The following KCNQ1 variants were observed in gnomAD, a reference collection of about 807,000 sequenced individuals.
KCNQ1 encodes the protein potassium voltage-gated channel subfamily Q member 1.
Under a neutral mutation model 72.4 loss-of-function variants are expected in KCNQ1, and 49 were observed. The ratio of observed to expected loss-of-function variants is 0.68; its 90% CI spans 0.54 to 0.86. KCNQ1 has a LOEUF of 0.86. KCNQ1 is among the 40% of genes least tolerant of loss of function. The probability of loss-of-function intolerance (pLI) is 0.00; values close to 1 mark genes in which losing one functional copy is unlikely to be tolerated. For missense variants in KCNQ1, 790 were observed against 945.1 expected, an observed-to-expected ratio of 0.84 and a Z score of 2.15; for synonymous variants, 450 against 412.6, an observed-to-expected ratio of 1.09 and a Z score of -1.10.
In KCNQ1 at chr11:2,677,399, C is replaced by A. The variant is rs1850312978; in HGVS notation, c.1514+15318C>A. 2.5e-6 allele frequency: 1 copy of A among 398,518 alleles called. No homozygotes were observed. 24.7% of individuals were successfully genotyped at this position (398,518 alleles called of 1,614,324 possible). ...TTGAAGAGGAAACCAAGATCGATGC[C>A]TAGATAAGCATTTCAGAGGACAGCA... On this transcript the variant is annotated intron_variant, in intron 11 of 15. Coordinates refer to ENST00000155840, the MANE Select transcript of KCNQ1 (RefSeq NM_000218.3). This position sits in a 1 kb window ranked among gnomAD's most constrained non-coding sequence, Gnocchi z 4.5.
rs1383035176 is a variant in KCNQ1 at position 2,620,211 on chromosome 11, A to ATATATATATATT, written c.1393+31358_1393+31359insATATATATATTT. 2.0e-4 allele frequency: 53 copies of ATATATATATATT among 261,998 alleles called. No individual in the cohort carries two copies. Among genetic ancestry groups the ATATATATATATT allele is most frequent in the African/African-American group, 1.4e-3 (52 of 38,118 alleles). 16.2% of individuals were successfully genotyped at this position (261,998 alleles called of 1,614,324 possible). On this transcript the variant is annotated intron_variant, in intron 10 of 15. Coordinates refer to ENST00000155840, the MANE Select transcript of KCNQ1 (RefSeq NM_000218.3). The surrounding 1 kb of genome is among the most constrained non-coding windows in gnomAD (Gnocchi z 4.5). ...TAAGTTCATTCATGTATATATATAT[A>ATATATATATATT]TTTTTTTTTTTTATTTTTTTTTTAG...
rs116908419 is a variant in KCNQ1 at position 2,748,849 on chromosome 11, G to A, written c.1515-19995G>A. On this transcript the variant is annotated intron_variant, in intron 11 of 15. Coordinates refer to ENST00000155840, the MANE Select transcript of KCNQ1 (RefSeq NM_000218.3). The surrounding 1 kb of genome is among the most constrained non-coding windows in gnomAD (Gnocchi z 6.2). ...CTGGGGGCCAAGATCCCCACCTCTGGTCTGGCAGCTGGGTGTGCAGGGGCA... is the reference window on the plus strand; with the variant it reads ...CTGGGGGCCAAGATCCCCACCTCTGATCTGGCAGCTGGGTGTGCAGGGGCA... 0.016 allele frequency among the ~76,000 whole-genome samples: 2,502 copies of A among 152,350 alleles called. 114 individuals carry two copies. Among genetic ancestry groups the A allele is most frequent in the East Asian group, 0.12 (646 of 5,174 alleles).
At chr11:2,693,975 T>G (rs1850631784) in intron 11 of KCNQ1, 1 of 398,524 alleles carries the variant, frequency 2.5e-6, no homozygotes. Context: ...CTGGAGAAGG[T>G]GAGCAGGCCC....
chr11:2,484,611 T>C lies in KCNQ1; in HGVS notation c.386+39127T>C, dbSNP rs1027427549. On this transcript the variant is annotated intron_variant, in intron 1 of 15. Coordinates refer to ENST00000155840, the MANE Select transcript of KCNQ1 (RefSeq NM_000218.3). This position sits in a 1 kb window ranked among gnomAD's most constrained non-coding sequence, Gnocchi z 5.2. ...CAAGATGCTCTGGGCTCAGCTTGTATTTCCTTGCCTCAGTCTTGAAATCAC... is the reference window on the plus strand; with the variant it reads ...CAAGATGCTCTGGGCTCAGCTTGTACTTCCTTGCCTCAGTCTTGAAATCAC... 6.6e-6 allele frequency among the ~76,000 whole-genome samples: 1 copy of C among 152,194 alleles called. No homozygotes were observed. The highest frequency in any genetic ancestry group is 6.5e-5 in the Admixed American group (1 of 15,278).
At chr11:2,459,910 T>C (rs16928285) in intron 1 of KCNQ1, among the ~76,000 whole-genome samples, 44,565 of 151,962 alleles carry the variant, frequency 0.29, 7,850 homozygotes, top group African/African-American at 0.48. Flanking sequence ...AATGTGGTTA[T>C]CTGCTAGCCA....
At position 2,559,972 on chromosome 11, in the gene KCNQ1, A is replaced by G. The variant is rs1248900448; in HGVS notation, c.478-10656A>G. Among the ~76,000 whole-genome samples the G allele has an allele frequency of 1.3e-5, 2 of 150,914 alleles. No homozygotes were observed. The highest frequency in any genetic ancestry group is 6.6e-5 in the Admixed American group (1 of 15,208). The stretch of plus-strand genomic sequence containing the variant: ...CCAGAGTGTTCCAGTGACTTCAGAG[A>G]GGGGCAGCCAGACCAGGAGGAGCTC... On this transcript the variant is annotated intron_variant, in intron 2 of 15. Coordinates refer to ENST00000155840, the MANE Select transcript of KCNQ1 (RefSeq NM_000218.3). This position sits in a 1 kb window ranked among gnomAD's most constrained non-coding sequence, Gnocchi z 4.9.
At chr11:2,461,351 C>T (rs1230855093) in intron 1 of KCNQ1, 1 of 1,133,554 alleles carries the variant, frequency 8.8e-7, no homozygotes, top group Non-Finnish European at 1.1e-6. Flanking sequence ...GAAATAGCCT[C>T]TGAAGCTCTG....
intron 11 of KCNQ1, chr11:2,699,777 AGGAGAACCGCGCCGAGGGGCGCGCCGG>A (rs1437832704): frequency 2.7e-6 from 1 of 370,464 alleles, no homozygotes; most frequent in African/African-American, 2.3e-5. Flanking sequence ...AGGAGCCCCG[AGGAGAACCGCGCCGAGGGGCGCGCCGG>A]GGAGAACCAC....
Position 2,515,313 on chromosome 11 carries a change from A to T in KCNQ1, c.387-12615A>T, listed in dbSNP as rs973088536. 5.9e-5 allele frequency among the ~76,000 whole-genome samples: 9 copies of T among 152,188 alleles called. No homozygotes were observed. Among genetic ancestry groups the T allele is most frequent in the Non-Finnish European group, 1.3e-4 (9 of 68,030 alleles). ...TGTTTCCGGTAGTTCACTTAGGATC[A>T]TGGTCTCCAGATCCATCCGTGTTGC... On this transcript the variant is annotated intron_variant, in intron 1 of 15. Coordinates refer to ENST00000155840, the MANE Select transcript of KCNQ1 (RefSeq NM_000218.3). The surrounding 1 kb of genome is among the most constrained non-coding windows in gnomAD (Gnocchi z 4.7).
At position 2,515,081 on chromosome 11, in the gene KCNQ1, G is replaced by T. The variant is rs940424420; in HGVS notation, c.387-12847G>T. On this transcript the variant is annotated intron_variant, in intron 1 of 15. Transcript: ENST00000155840. This position sits in a 1 kb window ranked among gnomAD's most constrained non-coding sequence, Gnocchi z 4.7. ...AGGAGTACACATACTTGTCTGTTAC[G>T]TGCGTAATGGTGGGGTTTGGGCTTC... 6.6e-6 allele frequency among the ~76,000 whole-genome samples: 1 copy of T among 152,096 alleles called. No individual in the cohort carries two copies. Among genetic ancestry groups the T allele is most frequent in the African/African-American group, 2.4e-5 (1 of 41,406 alleles).
intron 10 of KCNQ1, chr11:2,629,778 C>A (rs1257123945): frequency 5.0e-6 from 2 of 398,258 alleles, no homozygotes; most frequent in Non-Finnish European, 8.9e-6. Flanking sequence ...GATTTTGTAT[C>A]CTGCCACTTT....
chr11:2,502,247 A>G (rs1847028668), intron 1 of KCNQ1, among the ~76,000 whole-genome samples: 2 of 152,230 alleles, frequency 1.3e-5, no homozygotes, highest in Non-Finnish European at 2.9e-5. Flanking sequence ...GAAAGAAAGA[A>G]GTCAAATTAT....
chr11:2,501,116 G>A (rs1847002718), intron 1 of KCNQ1, among the ~76,000 whole-genome samples: 1 of 152,034 alleles, frequency 6.6e-6, no homozygotes, highest in Non-Finnish European at 1.5e-5. Flanking sequence ...ACAACCTAAT[G>A]ATCTTAAAGA....
chr11:2,750,031 T>G lies in KCNQ1; in HGVS notation c.1515-18813T>G. Among the ~76,000 whole-genome samples the G allele has an allele frequency of 6.7e-6, 1 of 148,192 alleles. No homozygotes were observed. Among genetic ancestry groups the G allele is most frequent in the African/African-American group, 2.5e-5 (1 of 40,114 alleles). Reference sequence around the variant, plus strand: ...AGAATTGTGTGTAAATGAGTGAAAATGGGGTGAGAGGGAGGGAGTGGGAAC... The same window carrying G: ...AGAATTGTGTGTAAATGAGTGAAAAGGGGGTGAGAGGGAGGGAGTGGGAAC... On this transcript the variant is annotated intron_variant, in intron 11 of 15. Coordinates refer to ENST00000155840, the MANE Select transcript of KCNQ1 (RefSeq NM_000218.3). The surrounding 1 kb of genome is among the most constrained non-coding windows in gnomAD (Gnocchi z 6.3).
Position 2,713,263 on chromosome 11 carries a change from T to C in KCNQ1, c.1514+51182T>C, listed in dbSNP as rs2133920158. Among the ~76,000 whole-genome samples, 1 of 152,290 alleles carries C rather than the reference T, an allele frequency of 6.6e-6. No individual in the cohort carries two copies. Among genetic ancestry groups the C allele is most frequent in the South Asian group, 2.1e-4 (1 of 4,822 alleles). ...TGCATCCCGCTCCTCCTCCGCTCCC[T>C]GGAAACGTTCCCTGAATCACATTGT... On this transcript the variant is annotated intron_variant, in intron 11 of 15. Coordinates refer to ENST00000155840, the MANE Select transcript of KCNQ1 (RefSeq NM_000218.3). The surrounding 1 kb of genome is among the most constrained non-coding windows in gnomAD (Gnocchi z 5.6).
rs892352697 is a variant in KCNQ1, at chr11:2,750,131, C to A, written c.1515-18713C>A. ...GAAGCTGGGGAGAGACCTGCGCAAC[C>A]CCACCTGAGTGAGGCACTGTGGGCC... On this transcript the variant is annotated intron_variant, in intron 11 of 15. Coordinates refer to ENST00000155840, the MANE Select transcript of KCNQ1 (RefSeq NM_000218.3). This position sits in a 1 kb window ranked among gnomAD's most constrained non-coding sequence, Gnocchi z 6.3. Among the ~76,000 whole-genome samples the A allele has an allele frequency of 3.9e-5, 6 of 152,148 alleles. No individual in the cohort carries two copies. Among genetic ancestry groups the A allele is most frequent in the Admixed American group, 6.5e-5 (1 of 15,276 alleles).
Position 2,621,912 on chromosome 11 carries a change from T to G in KCNQ1, c.1393+33058T>G, listed in dbSNP as rs1245843213. On this transcript the variant is annotated intron_variant, in intron 10 of 15. Transcript: ENST00000155840. The surrounding 1 kb of genome is among the most constrained non-coding windows in gnomAD (Gnocchi z 5.7). ...TCTTTATTATTTCCTTCTGTTAACT[T>G]TGGCTTTAGTTTGTTCTTCTTTTTC... The G allele has an allele frequency of 2.5e-6, 1 of 398,274 alleles. No individual in the cohort carries two copies. The highest frequency in any genetic ancestry group is 4.4e-6 in the Non-Finnish European group (1 of 225,956). 24.7% of individuals were successfully genotyped at this position (398,274 alleles called of 1,614,324 possible). A position where few individuals can be genotyped will look rare whatever the true frequency, so the allele number is the denominator to read the frequency against.
At chr11:2,765,447 C>T (rs1479557305) in intron 11 of KCNQ1, among the ~76,000 whole-genome samples, 1 of 152,126 alleles carries the variant, frequency 6.6e-6, no homozygotes, top group Non-Finnish European at 1.5e-5. Context: ...TCTGTGTGCA[C>T]TAGGGAAGCT....
In KCNQ1 at chr11:2,587,689, G is replaced by C; in HGVS notation, c.1248G>C (p.Val416=). 1 of 1,613,686 alleles carries C rather than the reference G, an allele frequency of 6.2e-7. No individual in the cohort carries two copies. Among genetic ancestry groups the C allele is most frequent in the Non-Finnish European group, 8.5e-7 (1 of 1,179,986 alleles). ...CCAGCCCCAAACCCAAGAAGTCTGT[G>C]GTGGTGAGTAGCCCACCTGCCACCA... ...LSPSPKPKKS[V]VVKKKKFKLD... Residue 416 remains valine (V), a synonymous_variant, in exon 9 of 16, where the codon GTG becomes GTC. Coordinates refer to ENST00000155840, the MANE Select transcript of KCNQ1 (RefSeq NM_000218.3).
Sources: gnomAD v4.1 joint callset for allele counts (sites outside exome capture counted in the v4.1 genomes callset) on GRCh38, gnomAD v4.1.1 for gene constraint, Gnocchi (gnomAD v3.1) non-coding constraint, MANE v1.5 for transcripts, NCBI Gene and HGNC (gene_info 2026-07-23, HGNC 2026-07-21) for gene names.